Variants in ATRX observed in about 807,000 individuals in gnomAD.
ATRX encodes the protein ATRX chromatin remodeler, also known as chromatin remodeler ATRX.
A neutral mutation model predicts 172.6 loss-of-function variants in ATRX; 12 were observed. The observed-to-expected ratio is 0.07, with a 90% CI of 0.04 to 0.11. The LOEUF (loss-of-function observed/expected upper bound fraction) is 0.11. Among genes scored for constraint, ATRX ranks in the 10% least tolerant of loss-of-function variants. The probability of loss-of-function intolerance (pLI) is 1.00; values close to 1 mark genes in which losing one functional copy is unlikely to be tolerated. For missense variants in ATRX, 1,368 were observed against 1,767.4 expected, an observed-to-expected ratio of 0.77 and a Z score of 4.05; for synonymous variants, 674 against 594.7, an observed-to-expected ratio of 1.13 and a Z score of -1.94.
rs782145266 is a variant in ATRX at position 77,647,598 on chromosome X, GA to G, written c.4557+4515del. On this transcript the variant is annotated intron_variant, in intron 15 of 34. Coordinates refer to ENST00000373344, the MANE Select transcript of ATRX (RefSeq NM_000489.6). The stretch of plus-strand genomic sequence containing the variant: ...AAATTGTGGGGGAACAAAATTACTA[GA>G]AAAAAATAATGAGAAAATATACACC... Among the ~76,000 whole-genome samples the G allele has an allele frequency of 9.0e-5, 10 of 111,096 alleles. No homozygotes were observed. The South Asian group carries it at 3.0e-3, about 33-fold the overall frequency.
intron 12 of ATRX, among the ~76,000 whole-genome samples, chrX:77,659,110 G>A (rs1444904352): frequency 3.6e-5 from 4 of 111,018 alleles, no homozygotes; most frequent in African/African-American, 1.3e-4. Flanking sequence ...TTGGAATGAC[G>A]ACACGTTTTA....
At chrX:77,668,898 A>G (rs908185676) in intron 10 of ATRX, among the ~76,000 whole-genome samples, 17 of 111,097 alleles carry the variant, frequency 1.5e-4, no homozygotes, top group Admixed American at 4.8e-4. Flanking sequence ...AATCCTATCT[A>G]GAAAGGAAAT....
intron 25 of ATRX, among the ~76,000 whole-genome samples, chrX:77,598,011 C>A (rs1356967001): frequency 1.8e-5 from 2 of 111,773 alleles, no homozygotes; most frequent in African/African-American, 6.5e-5. Context: ...CTATTCACAA[C>A]AGCAAAAACA....
At chrX:77,669,433 C>T (rs1443590232) in intron 10 of ATRX, among the ~76,000 whole-genome samples, 1 of 110,211 alleles carries the variant, frequency 9.1e-6, no homozygotes, top group African/African-American at 3.3e-5. Context: ...AAGCAATTCT[C>T]CTGCCTCAGC....
chrX:77,541,445 G>A (rs910945500), intron 30 of ATRX, among the ~76,000 whole-genome samples: 1 of 111,576 alleles, frequency 9.0e-6, no homozygotes, highest in African/African-American at 3.3e-5. Flanking sequence ...AGAAAAAGAG[G>A]GAATCCTCCC....
intron 22 of ATRX, among the ~76,000 whole-genome samples, chrX:77,614,769 CTGT>C (rs782806530): frequency 1.1e-4 from 12 of 111,319 alleles, no homozygotes; most frequent in African/African-American, 3.6e-4. Flanking sequence ...ATAAAATGCA[CTGT>C]TGTTAACTAC....
At chrX:77,578,542 A>G (rs1452678770) in intron 27 of ATRX, among the ~76,000 whole-genome samples, 1 of 112,262 alleles carries the variant, frequency 8.9e-6, no homozygotes, top group Non-Finnish European at 1.9e-5. Flanking sequence ...CTGGGCCAGA[A>G]GGCAACCCAT....
At chrX:77,561,382 T>C (rs1011562989) in intron 28 of ATRX, among the ~76,000 whole-genome samples, 2 of 111,054 alleles carry the variant, frequency 1.8e-5, no homozygotes, top group Non-Finnish European at 3.8e-5. Flanking sequence ...CAAGTCCATA[T>C]TGAGATAAAC....
intron 1 of ATRX, among the ~76,000 whole-genome samples, chrX:77,775,303 T>C (rs1557201677): frequency 9.0e-6 from 1 of 111,587 alleles, no homozygotes; most frequent in African/African-American, 3.3e-5. Context: ...TTGTAACCTT[T>C]TATACAGTAA....
chrX:77,685,311 A>AAT (rs1239769756), intron 7 of ATRX, among the ~76,000 whole-genome samples: 2 of 112,209 alleles, frequency 1.8e-5, no homozygotes, highest in Non-Finnish European at 3.8e-5. Flanking sequence ...TAATAACCAC[A>AAT]ATATATAAAG....
At chrX:77,732,681 A>G (rs2074353130) in intron 1 of ATRX, among the ~76,000 whole-genome samples, 1 of 112,178 alleles carries the variant, frequency 8.9e-6, no homozygotes, top group Non-Finnish European at 1.9e-5. Context: ...AAACCATATT[A>G]TATCAATTGA....
chrX:77,740,416 C>T (rs2074807734), intron 1 of ATRX, among the ~76,000 whole-genome samples: 1 of 111,167 alleles, frequency 9.0e-6, no homozygotes, highest in Non-Finnish European at 1.9e-5. Flanking sequence ...CTCCAGGAAT[C>T]CTACAAGGGT....
At chrX:77,693,643 G>A (rs941392214) in intron 6 of ATRX, among the ~76,000 whole-genome samples, 181 bp downstream of exon 6, 1 of 111,890 alleles carries the variant, frequency 8.9e-6, no homozygotes, top group Non-Finnish European at 1.9e-5. Context: ...AAGGTGTTTC[G>A]ATAAATGGTG....
chrX:77,505,692 A>C lies in ATRX; in HGVS notation c.*2659T>G. On this transcript the variant is annotated 3_prime_UTR_variant, in exon 35 of 35. Transcript: ENST00000373344. ...ATGTGCACAGATTTTCAAAGCTGTG[A>C]AAATACAATAAAGAGCACAACACAT... is the stretch of plus-strand genomic sequence containing the variant. 1 of 174,079 alleles carries C rather than the reference A, an allele frequency of 5.7e-6. No individual in the cohort carries two copies. Among genetic ancestry groups the C allele is most frequent in the Non-Finnish European group, 1.1e-5 (1 of 90,404 alleles). The allele number at this position is 174,079 out of a possible 1,213,427, so 14.3% of individuals were successfully genotyped here. A position where few individuals can be genotyped will look rare whatever the true frequency, so the allele number is the denominator to read the frequency against.
intron 19 of ATRX, among the ~76,000 whole-genome samples, chrX:77,625,802 A>C (rs1289217831): frequency 7.3e-5 from 8 of 109,551 alleles, no homozygotes; most frequent in Non-Finnish European, 1.3e-4. Context: ...AATGTAAACT[A>C]GTACAGCCGC....
At position 77,508,705 on chromosome X, in the gene ATRX, A is replaced by G. The variant is rs1331095843; in HGVS notation, c.7201-76T>C. On this transcript the variant is annotated intron_variant, in intron 34 of 34. Transcript: ENST00000373344. ...AGGTATCAAGTTTTGACTTAAAATC[A>G]ATTTGTTAAGGGGGTACCATACCAA... The G allele has an allele frequency of 6.4e-6, 7 of 1,102,238 alleles. No individual in the cohort carries two copies. The African/African-American group carries it at 9.1e-5, about 14-fold the overall frequency. The allele number at this position is 1,102,238 out of a possible 1,213,427, so 90.8% of individuals were successfully genotyped here.
chrX:77,637,887 C>A (rs1441008975), intron 15 of ATRX, among the ~76,000 whole-genome samples: 4 of 94,806 alleles, frequency 4.2e-5, no homozygotes, highest in Non-Finnish European at 4.1e-5. Flanking sequence ...TTGCAATGAG[C>A]CGAGATCGTG....
intron 15 of ATRX, among the ~76,000 whole-genome samples, chrX:77,641,531 A>C (rs1369571365): frequency 2.8e-5 from 3 of 106,256 alleles, no homozygotes; most frequent in Non-Finnish European, 5.8e-5. Flanking sequence ...CAGTGAGCAG[A>C]GAGATCGCAC....
At chrX:77,746,280 G>C (rs782274789) in intron 1 of ATRX, among the ~76,000 whole-genome samples, 2 of 110,356 alleles carry the variant, frequency 1.8e-5, no homozygotes, top group Non-Finnish European at 3.8e-5. Context: ...AAGTGCACAA[G>C]TACCCCCGTA....
Sources: allele counts gnomAD v4.1 joint callset (sites outside exome capture counted in the v4.1 genomes callset), GRCh38; gene constraint gnomAD v4.1.1; transcripts MANE v1.5; gene names NCBI Gene and HGNC (gene_info 2026-07-23, HGNC 2026-07-21).